The following CTNNA3 variants were observed in gnomAD, a reference collection of about 807,000 sequenced individuals.
The protein encoded by CTNNA3 is catenin alpha-3.
A neutral mutation model predicts 95.7 loss-of-function variants in CTNNA3; 76 were observed. The ratio of observed to expected loss-of-function variants is 0.79; its 90% CI spans 0.66 to 0.96. CTNNA3 has a LOEUF of 0.96. CTNNA3 is among the 40% of genes least tolerant of loss of function. The pLI, the probability that CTNNA3 is intolerant of heterozygous loss-of-function variation, is 0.00. For missense variants in CTNNA3, 1,191 were observed against 1,089.8 expected, an observed-to-expected ratio of 1.09 and a Z score of -1.31; for synonymous variants, 431 against 374.4, an observed-to-expected ratio of 1.15 and a Z score of -1.74.
chr10:67,176,807 G>A (rs955763400), intron 7 of CTNNA3: 5 of 399,352 alleles, frequency 1.3e-5, no homozygotes, highest in Non-Finnish European at 2.5e-5. Context: ...GAAACATGAC[G>A]TTGCTGGCTT....
At chr10:67,150,511 T>C (rs937462337) in intron 7 of CTNNA3, among the ~76,000 whole-genome samples, 2 of 152,224 alleles carry the variant, frequency 1.3e-5, no homozygotes, top group Non-Finnish European at 2.9e-5. Context: ...ACAAAGATCA[T>C]GTTAGTAACA....
intron 10 of CTNNA3, among the ~76,000 whole-genome samples, chr10:66,567,009 G>A (rs1456662388): frequency 1.1e-4 from 16 of 142,372 alleles, no homozygotes; most frequent in Non-Finnish European, 2.0e-4. Context: ...GGAGAGAGAG[G>A]AAGTGGGAGA....
chr10:66,256,437 G>A (rs985876398), intron 13 of CTNNA3, among the ~76,000 whole-genome samples: 1 of 152,118 alleles, frequency 6.6e-6, no homozygotes, highest in African/African-American at 2.4e-5. Context: ...TAAAAAAGGT[G>A]CTTGGGGCGC....
chr10:66,502,758 G>A (rs143836294), intron 11 of CTNNA3, among the ~76,000 whole-genome samples: 1,590 of 151,948 alleles, frequency 0.01, 30 homozygotes, highest in African/African-American at 0.037. Context: ...TACTTGTACC[G>A]GGTTTTCCTT....
At chr10:66,659,942 C>T (rs577321476) in intron 9 of CTNNA3, among the ~76,000 whole-genome samples, 17 of 152,194 alleles carry the variant, frequency 1.1e-4, no homozygotes, top group African/African-American at 2.9e-4. Flanking sequence ...CTTCTAGGAT[C>T]TAGGAGTCAA....
At chr10:66,393,851 CAA>C (rs2092953351) in intron 11 of CTNNA3, among the ~76,000 whole-genome samples, 1 of 152,016 alleles carries the variant, frequency 6.6e-6, no homozygotes, top group East Asian at 1.9e-4. Flanking sequence ...TCAAAATTCA[CAA>C]AGTTATAGTA....
chr10:67,667,116 T>G (rs1589552277), intron 1 of CTNNA3, among the ~76,000 whole-genome samples: 1 of 152,332 alleles, frequency 6.6e-6, no homozygotes, highest in East Asian at 1.9e-4. Flanking sequence ...CCCTGTTTAA[T>G]ATTTGCTAAA....
At chr10:66,712,575 C>T (rs1848329260) in intron 9 of CTNNA3, among the ~76,000 whole-genome samples, 1 of 151,948 alleles carries the variant, frequency 6.6e-6, no homozygotes, top group South Asian at 2.1e-4. Flanking sequence ...CTCTCTTAAT[C>T]GCTCTCACTC....
At chr10:66,666,102 G>T (rs1846442346) in intron 9 of CTNNA3, among the ~76,000 whole-genome samples, 1 of 152,152 alleles carries the variant, frequency 6.6e-6, no homozygotes, top group Admixed American at 6.5e-5. Context: ...TTGGTAACCA[G>T]TTGGGGCCAA....
At chr10:67,425,541 C>A (rs1479890417) in intron 5 of CTNNA3, among the ~76,000 whole-genome samples, 1 of 151,946 alleles carries the variant, frequency 6.6e-6, no homozygotes, top group Non-Finnish European at 1.5e-5. Flanking sequence ...AAAAAAAAAC[C>A]GTGCAGAAGC....
intron 12 of CTNNA3, among the ~76,000 whole-genome samples, chr10:66,375,816 T>A (rs942477462): frequency 1.3e-5 from 2 of 152,178 alleles, no homozygotes; most frequent in African/African-American, 4.8e-5. Context: ...CTTTCAACTG[T>A]CTCATTTGCC....
chr10:67,175,030 C>T (rs1431999663), intron 7 of CTNNA3, among the ~76,000 whole-genome samples: 1 of 135,062 alleles, frequency 7.4e-6, no homozygotes, highest in African/African-American at 2.9e-5. Context: ...TAGTACAGTA[C>T]ACTTGAGGTG....
intron 2 of CTNNA3, among the ~76,000 whole-genome samples, chr10:67,637,171 G>C (rs978737816): frequency 6.6e-6 from 1 of 152,158 alleles, no homozygotes; most frequent in Admixed American, 6.5e-5. Flanking sequence ...GTTCTTAAAG[G>C]ACCTGATGGA....
At chr10:66,029,015 G>T (rs1032688722) in intron 15 of CTNNA3, among the ~76,000 whole-genome samples, 5 of 152,016 alleles carry the variant, frequency 3.3e-5, no homozygotes, top group Non-Finnish European at 7.4e-5. Context: ...GAGAAAAAAA[G>T]CTAAGAGACA....
chr10:67,119,223 C>G (rs1011330786), intron 7 of CTNNA3, among the ~76,000 whole-genome samples: 1 of 151,828 alleles, frequency 6.6e-6, no homozygotes, highest in Admixed American at 6.6e-5. Context: ...TAAAGCATCT[C>G]TATTCTCTAT....
intron 11 of CTNNA3, among the ~76,000 whole-genome samples, chr10:66,416,477 C>T (rs1212361744): frequency 6.6e-6 from 1 of 151,700 alleles, no homozygotes; most frequent in African/African-American, 2.4e-5. Flanking sequence ...AGACACAATA[C>T]AAAAAGTTCT....
intron 7 of CTNNA3, among the ~76,000 whole-genome samples, chr10:66,882,109 C>T (rs914706315): frequency 6.6e-5 from 10 of 151,810 alleles, no homozygotes; most frequent in African/African-American, 2.2e-4. Context: ...ATGAAAATGC[C>T]CTATACATAT....
chr10:66,644,648 A>C (rs1351513288), intron 9 of CTNNA3, among the ~76,000 whole-genome samples: 4 of 151,914 alleles, frequency 2.6e-5, no homozygotes, highest in Non-Finnish European at 5.9e-5. Context: ...TTACCACATC[A>C]TCCCCCTGTG....
intron 7 of CTNNA3, among the ~76,000 whole-genome samples, chr10:66,969,116 T>A (rs1029036434): frequency 2.0e-5 from 3 of 152,026 alleles, no homozygotes; most frequent in Admixed American, 6.5e-5. Flanking sequence ...ATTTTCTGAC[T>A]GCAAAAGCAA....
Sources: allele counts gnomAD v4.1 joint callset (sites outside exome capture counted in the v4.1 genomes callset), GRCh38; gene constraint gnomAD v4.1.1; transcripts MANE v1.5; gene names NCBI Gene and HGNC (gene_info 2026-07-23, HGNC 2026-07-21).